Variants in PGM3 observed in about 807,000 individuals in gnomAD.
PGM3 encodes phosphoglucomutase 3.
A neutral mutation model predicts 66.2 loss-of-function variants in PGM3; 40 were observed. The observed-to-expected ratio is 0.60, with a 90% CI of 0.47 to 0.79. PGM3 has a LOEUF of 0.79. Among genes scored for constraint, PGM3 ranks in the 30% least tolerant of loss-of-function variants. The pLI, the probability that PGM3 is intolerant of heterozygous loss-of-function variation, is 0.00. For missense variants in PGM3, 537 were observed against 643.4 expected, an observed-to-expected ratio of 0.83 and a Z score of 1.79; for synonymous variants, 191 against 224.2, an observed-to-expected ratio of 0.85 and a Z score of 1.32.
At chr6:83,154,359 A>T in the PGM3 span, 2 of 900,056 alleles carry the variant, frequency 2.2e-6, no homozygotes, top group East Asian at 5.0e-5. Flanking sequence ...GTCAAGTGTC[A>T]GTGGGGATAT....
chr6:83,155,427 A>G, the PGM3 span, among the ~76,000 whole-genome samples: 1 of 152,146 alleles, frequency 6.6e-6, no homozygotes, highest in Non-Finnish European at 1.5e-5. Context: ...TGCCCACTGC[A>G]CTTCAGACTG....
the PGM3 span, chr6:83,152,442 A>T: frequency 1.6e-6 from 1 of 610,218 alleles, no homozygotes; most frequent in East Asian, 3.4e-5. Context: ...TAATTTTTAT[A>T]GAGGAATTTC....
Position 83,170,296 on chromosome 6 carries a change from C to G in PGM3, c.1539+9G>C, listed in dbSNP as rs374940382. ...TAGGCTCTTTTTCAATAGAACTATC[C>G]CAGCTTACTTGTGAGTCTGCTTCTG... On this transcript the variant is annotated intron_variant, in intron 12 of 12. Transcript: ENST00000513973. The G allele has an allele frequency of 6.2e-7, 1 of 1,613,622 alleles. No individual in the cohort carries two copies. Among genetic ancestry groups the G allele is most frequent in the Non-Finnish European group, 8.5e-7 (1 of 1,179,662 alleles).
chr6:83,191,035 G>GT, intron 1 of PGM3, 21 bp from the exon 2 acceptor site: 1 of 1,598,796 alleles, frequency 6.3e-7, no homozygotes, highest in Non-Finnish European at 8.6e-7. Context: ...AAGAAATATT[G>GT]TTTCGGGCAT....
At position 83,166,009 on chromosome 6, in the gene PGM3, T is replaced by G. The variant is rs1785425190; in HGVS notation, c.*3225A>C. The G allele has an allele frequency of 3.3e-6, 1 of 302,884 alleles. No individual in the cohort carries two copies. Among genetic ancestry groups the G allele is most frequent in the Non-Finnish European group, 6.4e-6 (1 of 157,174 alleles). 18.8% of individuals were successfully genotyped at this position (302,884 alleles called of 1,614,324 possible). On this transcript the variant is annotated 3_prime_UTR_variant, in exon 13 of 13. Coordinates refer to ENST00000513973, the MANE Select transcript of PGM3 (RefSeq NM_015599.3). ...GCTTTGGGAAGTGCTTTGGAGCTTC[T>G]TTCAGTCCAGCCACTGAGCTGGTCA...
At chr6:83,154,337 A>G in the PGM3 span, 1 of 1,133,736 alleles carries the variant, frequency 8.8e-7, no homozygotes, top group Non-Finnish European at 1.3e-6. Context: ...GAGACTACTG[A>G]ATTAGCTCTT....
chr6:83,162,303 C>T (rs1050718664), downstream of PGM3, among the ~76,000 whole-genome samples: 2 of 151,670 alleles, frequency 1.3e-5, no homozygotes, highest in African/African-American at 4.8e-5. Flanking sequence ...AAGAGAAGTG[C>T]AAAAAAAGCC....
the PGM3 span, among the ~76,000 whole-genome samples, chr6:83,152,764 T>C: frequency 6.6e-6 from 1 of 151,812 alleles, no homozygotes; most frequent in Non-Finnish European, 1.5e-5. Context: ...ACTACGGGTG[T>C]GTGCCACAAT....
At chr6:83,177,585 A>G (rs561039468) in intron 8 of PGM3, among the ~76,000 whole-genome samples, 31 of 152,330 alleles carry the variant, frequency 2.0e-4, no homozygotes, top group South Asian at 1.2e-3. Flanking sequence ...ACACATTCCA[A>G]TACAATTTGC....
chr6:83,157,802 TA>T (rs1783147645), downstream of PGM3, among the ~76,000 whole-genome samples: 2 of 152,034 alleles, frequency 1.3e-5, no homozygotes, highest in Non-Finnish European at 1.5e-5. Flanking sequence ...TACCAAACGG[TA>T]AAACCTTCCC....
intron 12 of PGM3, 86 bp from the exon 13 acceptor site, chr6:83,169,409 G>GA: frequency 2.2e-5 from 32 of 1,462,348 alleles, no homozygotes; most frequent in Non-Finnish European, 2.9e-5. Context: ...GAACTCTGGG[G>GA]AAGAGAGGGG....
rs1375448643 is a variant in PGM3 at position 83,166,569 on chromosome 6, T to A, written c.*2665A>T. ...CAATAAGTCATTAGCAAAAAAAAAG[T>A]GAGAAATATGCTTAAAATGATGTAT... On this transcript the variant is annotated 3_prime_UTR_variant, in exon 13 of 13. Coordinates refer to ENST00000513973, the MANE Select transcript of PGM3 (RefSeq NM_015599.3). The A allele has an allele frequency of 1.6e-6, 1 of 620,164 alleles. No individual in the cohort carries two copies. The highest frequency in any genetic ancestry group is 1.8e-5 in the African/African-American group (1 of 54,522). 38.4% of individuals were successfully genotyped at this position (620,164 alleles called of 1,614,324 possible).
At chr6:83,160,254 A>G (rs1246044363), downstream of PGM3, among the ~76,000 whole-genome samples, 2 of 152,220 alleles carry the variant, frequency 1.3e-5, no homozygotes, top group South Asian at 4.1e-4. Context: ...TGGCTCATGC[A>G]CAAGACACAC....
At position 83,171,920 on chromosome 6, in the gene PGM3, T is replaced by A. The variant is rs758969022; in HGVS notation, c.1365+17A>T. On this transcript the variant is annotated intron_variant, in intron 11 of 12. Transcript: ENST00000513973. ...TAGCTAATATTCAAAAAAGTTACTT[T>A]AAAGTTTCTCTCACACCTGAACTTT... The A allele has an allele frequency of 5.0e-6, 8 of 1,602,810 alleles. No homozygotes were observed. The highest frequency in any genetic ancestry group is 1.7e-4 in the Middle Eastern group (1 of 6,038).
chr6:83,185,724 A>ACTC (rs1473994442), intron 4 of PGM3, among the ~76,000 whole-genome samples: 2 of 152,150 alleles, frequency 1.3e-5, no homozygotes. Context: ...GAGCCTCTGC[A>ACTC]CTCCAGCCTG....
At chr6:83,160,279 A>G (rs963983377), downstream of PGM3, among the ~76,000 whole-genome samples, 5 of 152,240 alleles carry the variant, frequency 3.3e-5, no homozygotes, top group Non-Finnish European at 5.9e-5. Context: ...GCCACATAGC[A>G]GAGATCCCTA....
At chr6:83,158,401 T>A (rs978996565), downstream of PGM3, among the ~76,000 whole-genome samples, 1 of 152,150 alleles carries the variant, frequency 6.6e-6, no homozygotes, top group East Asian at 1.9e-4. Flanking sequence ...CAAGGCTCTG[T>A]GTGGCTAAAT....
chr6:83,174,609 A>C lies in PGM3; in HGVS notation c.1129-122T>G, dbSNP rs1787612035. The C allele has an allele frequency of 2.4e-5, 13 of 543,518 alleles. No homozygotes were observed. In the South Asian group the frequency reaches 3.3e-4, roughly 14 times the overall value. The allele number at this position is 543,518 out of a possible 1,614,324, so 33.7% of individuals were successfully genotyped here. A position where few individuals can be genotyped will look rare whatever the true frequency, so the allele number is the denominator to read the frequency against. On this transcript the variant is annotated intron_variant, in intron 9 of 12. Transcript: ENST00000513973. ...ATCTGGAGAAACTGAGGGGAAAAAT[A>C]GTGGCAGCCTTAAAATGTATGAAAT...
chr6:83,166,911 C>T lies in PGM3; in HGVS notation c.*2323G>A, dbSNP rs573502256. 8.1e-6 allele frequency: 8 copies of T among 989,338 alleles called. No individual in the cohort carries two copies. Among genetic ancestry groups the T allele is most frequent in the Admixed American group, 1.2e-4 (2 of 16,384 alleles). The allele number at this position is 989,338 out of a possible 1,614,324, so 61.3% of individuals were successfully genotyped here. A position where few individuals can be genotyped will look rare whatever the true frequency, so the allele number is the denominator to read the frequency against. On this transcript the variant is annotated 3_prime_UTR_variant, in exon 13 of 13. Coordinates refer to ENST00000513973, the MANE Select transcript of PGM3 (RefSeq NM_015599.3). The stretch of plus-strand genomic sequence containing the variant: ...GCTTCCTAAGTCTTCATGATTTCTT[C>T]CTTCTGTCTAGTTCATTGCTTATTT...
Sources: gnomAD v4.1 joint callset for allele counts (sites outside exome capture counted in the v4.1 genomes callset) on GRCh38, gnomAD v4.1.1 for gene constraint, MANE v1.5 for transcripts, NCBI Gene and HGNC (gene_info 2026-07-23, HGNC 2026-07-21) for gene names.